INPP5B: variants seen among roughly 807,000 people sequenced by gnomAD.
INPP5B encodes the protein type II inositol 1,4,5-trisphosphate 5-phosphatase.
Under a neutral mutation model 118.5 loss-of-function variants are expected in INPP5B, and 90 were observed. The observed-to-expected ratio is 0.76, with a 90% CI of 0.64 to 0.90. The LOEUF (loss-of-function observed/expected upper bound fraction) is 0.90, where lower values mean the gene tolerates loss of function less well. Among genes scored for constraint, INPP5B ranks in the 40% least tolerant of loss-of-function variants. INPP5B has a pLI of 0.00. For missense variants in INPP5B, 984 were observed against 1,125.6 expected, an observed-to-expected ratio of 0.87 and a Z score of 1.80; for synonymous variants, 385 against 418.9, an observed-to-expected ratio of 0.92 and a Z score of 0.99.
At chr1:37,927,839 A>G (rs1483930623) in intron 7 of INPP5B, among the ~76,000 whole-genome samples, 2 of 152,080 alleles carry the variant, frequency 1.3e-5, no homozygotes, top group African/African-American at 2.4e-5. Context: ...GCCCGGCCTC[A>G]TTTTTCTACT....
chr1:37,887,813 C>T (rs569814586), intron 10 of INPP5B, among the ~76,000 whole-genome samples: 44 of 151,988 alleles, frequency 2.9e-4, no homozygotes, highest in Admixed American at 7.9e-4. Context: ...ACCATACAAG[C>T]TTTGCTGCCC....
chr1:37,918,099 C>T (rs1246943970), intron 7 of INPP5B, among the ~76,000 whole-genome samples: 3 of 152,120 alleles, frequency 2.0e-5, no homozygotes, highest in Admixed American at 2.0e-4. Context: ...CTCTCCTTGG[C>T]CCCCCAGAGA....
At chr1:37,943,956 A>T in intron 3 of INPP5B, 63 bp from the exon 4 acceptor site, 1 of 1,249,322 alleles carries the variant, frequency 8.0e-7, no homozygotes, top group Admixed American at 1.7e-5. Context: ...CCTATCTTGG[A>T]GGTCTCGGGG....
chr1:37,918,270 G>C (rs1160906304), intron 7 of INPP5B, among the ~76,000 whole-genome samples: 1 of 152,070 alleles, frequency 6.6e-6, no homozygotes, highest in African/African-American at 2.4e-5. Context: ...TCATCTCTCT[G>C]CTCTAAATCT....
intron 7 of INPP5B, among the ~76,000 whole-genome samples, chr1:37,908,474 G>A (rs899075507): frequency 1.5e-4 from 23 of 151,728 alleles, no homozygotes; most frequent in Non-Finnish European, 2.4e-4. Context: ...GGTGGCTCAC[G>A]CCTGCAATCC....
chr1:37,893,854 A>G (rs1643919665), intron 7 of INPP5B, among the ~76,000 whole-genome samples: 1 of 152,206 alleles, frequency 6.6e-6, no homozygotes, highest in Non-Finnish European at 1.5e-5. Context: ...GCAGCTATGC[A>G]AAGATCCCGT....
rs755123159 is a variant in INPP5B at position 37,875,719 on chromosome 1, G to T, written c.1678-3C>A. 1 of 1,609,572 alleles carries T rather than the reference G, an allele frequency of 6.2e-7. No individual in the cohort carries two copies. Among genetic ancestry groups the T allele is most frequent in the African/African-American group, 1.3e-5 (1 of 74,966 alleles). ...AGCTCGTCATTTACGACCCTCACCTGAAAGGGAAACATCAGAGACTGAGTA... is the reference window on the plus strand; with the variant it reads ...AGCTCGTCATTTACGACCCTCACCTTAAAGGGAAACATCAGAGACTGAGTA... On this transcript the variant is annotated splice_region_variant and splice_polypyrimidine_tract_variant and intron_variant, in intron 16 of 23. Transcript: ENST00000373024.
At chr1:37,877,332 A>G (rs1570036029) in intron 16 of INPP5B, among the ~76,000 whole-genome samples, 1 of 151,340 alleles carries the variant, frequency 6.6e-6, no homozygotes, top group Non-Finnish European at 1.5e-5. Flanking sequence ...ACAGAGCGAG[A>G]CTCCATCTCA....
At chr1:37,939,484 C>CG (rs1214789818) in intron 6 of INPP5B, among the ~76,000 whole-genome samples, 1 of 140,890 alleles carries the variant, frequency 7.1e-6, no homozygotes, top group Non-Finnish European at 1.5e-5. Context: ...CTTGCTCTGT[C>CG]CCTAGGCTGG....
At chr1:37,866,583 A>G (rs1642062847) in intron 20 of INPP5B, 40 bp from the exon 21 acceptor site, 1 of 1,246,334 alleles carries the variant, frequency 8.0e-7, no homozygotes, top group Admixed American at 1.7e-5. Context: ...TTATTTTCTC[A>G]GAAAATCATC....
At chr1:37,863,883 C>T (rs986575065) in intron 23 of INPP5B, among the ~76,000 whole-genome samples, 35 of 148,782 alleles carry the variant, frequency 2.4e-4, no homozygotes, top group African/African-American at 8.7e-4. Flanking sequence ...GGTGCGGTCT[C>T]GGGTCACTGC....
rs923902828 is a variant in INPP5B, at chr1:37,940,792, T to C, written c.287A>G (p.Asp96Gly). 8 of 1,611,618 alleles carry C rather than the reference T, an allele frequency of 5.0e-6. No individual in the cohort carries two copies. In the East Asian group the frequency reaches 6.7e-5, roughly 13 times the overall value. The change falls in exon 6 of 24, where the codon GAT (aspartate) becomes GGT (glycine). Residue 96 changes from aspartate to glycine, a missense_variant. By Grantham distance (94) the Asp-to-Gly change is moderately conservative. Transcript: ENST00000373024. ...TGCTGTGTCCAGCTGGACGGTCACATCTGAGCCTGCACAAAGGAGGCAGGA... is the reference window on the plus strand; with the variant it reads ...TGCTGTGTCCAGCTGGACGGTCACACCTGAGCCTGCACAAAGGAGGCAGGA... ...PDGELYILGSDVTVQLDTAEL... is the reference protein window; with the variant it reads ...PDGELYILGSGVTVQLDTAEL...
rs1425261158 is a variant in INPP5B, at chr1:37,946,314, C to T, written c.-6G>A. On this transcript the variant is annotated 5_prime_UTR_variant, in exon 2 of 24. Coordinates refer to ENST00000373024, the MANE Select transcript of INPP5B (RefSeq NM_005540.3). ...ATTGCCACAGACTGGTCCATGCTGG[C>T]CCCTGCTGAGCGCACACACCCTGTG... 1.2e-6 allele frequency: 2 copies of T among 1,610,596 alleles called. No individual in the cohort carries two copies. The highest frequency in any genetic ancestry group is 1.7e-6 in the Non-Finnish European group (2 of 1,178,528).
intron 15 of INPP5B, chr1:37,878,574 T>C (rs984484912): frequency 1.2e-6 from 1 of 807,336 alleles, no homozygotes; most frequent in Non-Finnish European, 1.5e-6. Context: ...TATCCTCCTA[T>C]GAGAATCAGG....
chr1:37,883,029 G>T, intron 13 of INPP5B, 111 bp from the exon 14 acceptor site: 2 of 1,476,592 alleles, frequency 1.4e-6, no homozygotes, highest in Non-Finnish European at 9.0e-7. Flanking sequence ...GAGGTGGGTG[G>T]GAAAATGGCT....
intron 6 of INPP5B, among the ~76,000 whole-genome samples, chr1:37,939,149 G>T (rs914148551): frequency 1.4e-5 from 2 of 145,014 alleles, no homozygotes; most frequent in African/African-American, 5.1e-5. Flanking sequence ...AGCCAAGGTC[G>T]TACCACCACA....
At chr1:37,946,077 G>C (rs551068953) in intron 2 of INPP5B, among the ~76,000 whole-genome samples, 175 bp downstream of exon 2, 1 of 152,214 alleles carries the variant, frequency 6.6e-6, no homozygotes, top group African/African-American at 2.4e-5. Context: ...GGATAACTGC[G>C]TATTTAAAGC....
At chr1:37,925,510 C>G (rs1645195330) in intron 7 of INPP5B, among the ~76,000 whole-genome samples, 1 of 152,158 alleles carries the variant, frequency 6.6e-6, no homozygotes, top group Non-Finnish European at 1.5e-5. Context: ...GTAGCTGGGA[C>G]TACAGGTGCG....
At chr1:37,923,190 C>T (rs576279120) in intron 7 of INPP5B, among the ~76,000 whole-genome samples, 1 of 147,976 alleles carries the variant, frequency 6.8e-6, no homozygotes, top group African/African-American at 2.6e-5. Flanking sequence ...ACAAGGCATT[C>T]GGCTGTCATT....
Sources: allele counts gnomAD v4.1 joint callset (sites outside exome capture counted in the v4.1 genomes callset), GRCh38; gene constraint gnomAD v4.1.1; transcripts MANE v1.5; gene names NCBI Gene and HGNC (gene_info 2026-07-23, HGNC 2026-07-21).